The following DISC1 variants were observed in gnomAD, a reference collection of about 807,000 sequenced individuals.
DISC1 encodes the protein disrupted in schizophrenia 1 protein.
Under a neutral mutation model 84.5 loss-of-function variants are expected in DISC1, and 57 were observed. That is an observed-to-expected ratio of 0.67 (90% CI 0.55 to 0.84). The LOEUF (loss-of-function observed/expected upper bound fraction) is 0.84, where lower values mean the gene tolerates loss of function less well. Among genes scored for constraint, DISC1 ranks in the 40% least tolerant of loss-of-function variants. DISC1 has a pLI of 0.00. For missense variants in DISC1, 1,000 were observed against 1,057.8 expected (o/e 0.95, Z 0.76); for synonymous variants, 411 against 415.2 (o/e 0.99, Z 0.12).
At chr1:231,757,187 A>T (rs1198148695) in intron 4 of DISC1, among the ~76,000 whole-genome samples, 1 of 152,198 alleles carries the variant, frequency 6.6e-6, no homozygotes, top group Non-Finnish European at 1.5e-5. Flanking sequence ...TCAAGTATTT[A>T]TTTATTTTGA....
intron 1 of DISC1, among the ~76,000 whole-genome samples, chr1:231,640,732 C>T (rs1182876917): frequency 3.3e-5 from 5 of 151,930 alleles, no homozygotes; most frequent in Admixed American, 3.3e-4. Flanking sequence ...GACAGGATCT[C>T]CCTATGTTAC....
intron 4 of DISC1, chr1:231,750,322 G>A: frequency 7.6e-7 from 1 of 1,315,834 alleles, no homozygotes; most frequent in Non-Finnish European, 9.7e-7. Flanking sequence ...AAGTGCAGCT[G>A]CATCCCAGGT....
rs190336403 is a variant in DISC1 at position 231,845,088 on chromosome 1, A to C, written c.1981+26571A>C. The stretch of plus-strand genomic sequence containing the variant: ...GACTAGATTGTAAATATTTATTATC[A>C]GATGTAAGGTCTGTGTTGATGTTAA... On this transcript the variant is annotated intron_variant, in intron 9 of 12. Transcript: ENST00000439617. 1.7e-3 allele frequency among the ~76,000 whole-genome samples: 263 copies of C among 152,268 alleles called. 1 individual carries two copies. The highest frequency in any genetic ancestry group is 3.0e-3 in the Non-Finnish European group (206 of 68,020).
At chr1:231,727,063 A>G (rs2125145181) in intron 3 of DISC1, among the ~76,000 whole-genome samples, 1 of 152,182 alleles carries the variant, frequency 6.6e-6, no homozygotes, top group East Asian at 1.9e-4. Context: ...CTTTTCTTAA[A>G]ACACCAGCTC....
chr1:231,717,503 G>A (rs2068926449), intron 3 of DISC1, among the ~76,000 whole-genome samples: 1 of 152,186 alleles, frequency 6.6e-6, no homozygotes, highest in Admixed American at 6.5e-5. Flanking sequence ...GTCTCACTGA[G>A]CCATAGGCGT....
intron 9 of DISC1, among the ~76,000 whole-genome samples, chr1:231,867,625 G>A (rs961173738): frequency 6.6e-6 from 1 of 152,148 alleles, no homozygotes; most frequent in Non-Finnish European, 1.5e-5. Context: ...AAAAAAAGAT[G>A]AGTCTTGGGC....
At position 231,693,904 on chromosome 1, in the gene DISC1, C is replaced by G; in HGVS notation, c.146C>G (p.Ser49Trp). The change falls in exon 2 of 13, where the codon TCG (serine) becomes TGG (tryptophan). Residue 49 changes from serine to tryptophan, a missense_variant. Physicochemically the swap from Ser to Trp is radical, Grantham distance 177. This residue lies in a region of DISC1 where 292 missense variants were observed against 280.2 expected (regional missense o/e 1.04). Transcript: ENST00000439617. ...CGGAGGCCGGGCTACATGAGAAGCT[C>G]GACAGGGCCTGGGATCGGGTTCCTT... is the stretch of plus-strand genomic sequence containing the variant. ...LARRPGYMRS[S>W]TGPGIGFLSP... 3.1e-6 allele frequency: 5 copies of G among 1,614,154 alleles called. No individual in the cohort carries two copies. Among genetic ancestry groups the G allele is most frequent in the Non-Finnish European group, 3.4e-6 (4 of 1,180,018 alleles).
intron 10 of DISC1, among the ~76,000 whole-genome samples, chr1:231,966,594 G>A (rs1439924047): frequency 6.6e-6 from 1 of 152,354 alleles, no homozygotes; most frequent in Non-Finnish European, 1.5e-5. Flanking sequence ...GATGGGTGTA[G>A]TGGTTCCATT....
At chr1:231,631,410 C>G (rs1277168370) in intron 1 of DISC1, among the ~76,000 whole-genome samples, 3 of 152,068 alleles carry the variant, frequency 2.0e-5, no homozygotes, top group Non-Finnish European at 2.9e-5. Flanking sequence ...TAACTGTAAA[C>G]CCGCCTCAGG....
chr1:231,800,228 A>C lies in DISC1; in HGVS notation c.1792+18A>C. The C allele has an allele frequency of 6.3e-7, 1 of 1,587,490 alleles. No homozygotes were observed. The highest frequency in any genetic ancestry group is 8.6e-7 in the Non-Finnish European group (1 of 1,157,356). On this transcript the variant is annotated intron_variant, in intron 8 of 12. Coordinates refer to ENST00000439617, the MANE Select transcript of DISC1 (RefSeq NM_018662.3). ...CATATCAGGTAACTGGCAGTGTAGG[A>C]GACGTTGAAGCTATCCAACTAAAAT...
chr1:231,871,825 G>C (rs943844195), intron 9 of DISC1, among the ~76,000 whole-genome samples: 6 of 152,150 alleles, frequency 3.9e-5, no homozygotes, highest in African/African-American at 1.2e-4. Flanking sequence ...TGTTTCCAGG[G>C]CAGCTTGGTG....
chr1:231,884,770 A>G (rs2086564132), intron 9 of DISC1, among the ~76,000 whole-genome samples: 1 of 151,854 alleles, frequency 6.6e-6, no homozygotes, highest in Non-Finnish European at 1.5e-5. Flanking sequence ...CAAATCATAC[A>G]TGGACCTCCG....
chr1:231,933,172 G>A (rs1386545885), intron 9 of DISC1, among the ~76,000 whole-genome samples: 1 of 152,152 alleles, frequency 6.6e-6, no homozygotes, highest in Non-Finnish European at 1.5e-5. Flanking sequence ...AATTTTCAGA[G>A]GAGGAAATGA....
intron 11 of DISC1, 41 bp from the exon 12 acceptor site, chr1:232,026,394 C>T (rs376693755): frequency 1.6e-5 from 22 of 1,376,212 alleles, no homozygotes; most frequent in Non-Finnish European, 1.9e-5. Flanking sequence ...TGTCTGTGTC[C>T]ACGGCACTAA....
chr1:231,706,816 C>T (rs2067148092), intron 3 of DISC1, among the ~76,000 whole-genome samples: 1 of 152,108 alleles, frequency 6.6e-6, no homozygotes, highest in South Asian at 2.1e-4. Flanking sequence ...CCATAATGTC[C>T]CTTTGTCTGA....
rs116909249 is a variant in DISC1, at chr1:232,004,506, G to A, written c.2043-4279G>A. Among the ~76,000 whole-genome samples the A allele has an allele frequency of 4.1e-3, 622 of 152,106 alleles. 22 individuals carry two copies. The South Asian group carries it at 0.088, about 21-fold the overall frequency. ...AAGGATATAAAATATTAAAATGGCAGAAGAATAAATGGAAAACTTGAATAG... is the reference window on the plus strand; with the variant it reads ...AAGGATATAAAATATTAAAATGGCAAAAGAATAAATGGAAAACTTGAATAG... On this transcript the variant is annotated intron_variant, in intron 10 of 12. Coordinates refer to ENST00000439617, the MANE Select transcript of DISC1 (RefSeq NM_018662.3).
In DISC1 at chr1:232,014,620, A is replaced by G. The variant is rs1668316420; in HGVS notation, c.2307+5571A>G. ...TTTTAAACCTTTTTGTTTCTAGCTG[A>G]AAACATGCCCTCTCATTTGCTATTC... On this transcript the variant is annotated intron_variant, in intron 11 of 12. Coordinates refer to ENST00000439617, the MANE Select transcript of DISC1 (RefSeq NM_018662.3). Among the ~76,000 whole-genome samples, 3 of 152,252 alleles carry G rather than the reference A, an allele frequency of 2.0e-5. No homozygotes were observed. The South Asian group carries it at 6.2e-4, about 31-fold the overall frequency.
intron 4 of DISC1, among the ~76,000 whole-genome samples, chr1:231,759,806 G>T (rs2075495833): frequency 1.3e-5 from 2 of 152,170 alleles, no homozygotes. Flanking sequence ...GGCATGCCCT[G>T]TGTCCCACTC....
rs1052416742 is a variant in DISC1 at position 232,031,239 on chromosome 1, GAGGA to G, written c.2425+4700_2425+4703del. Among the ~76,000 whole-genome samples the G allele has an allele frequency of 1.5e-4, 22 of 147,158 alleles. No homozygotes were observed. The highest frequency in any genetic ancestry group is 4.1e-4 in the Admixed American group (6 of 14,608). ...GAAGGGAGAAAGAGAGAGAGAAAGA[GAGGA>G]AGGAAGGAAGGAGAAAGAAAGATAA... On this transcript the variant is annotated intron_variant, in intron 12 of 12. Coordinates refer to ENST00000439617, the MANE Select transcript of DISC1 (RefSeq NM_018662.3). This position sits in a 1 kb window ranked among gnomAD's most constrained non-coding sequence, Gnocchi z 4.6.
Sources: gnomAD v4.1 joint callset for allele counts (sites outside exome capture counted in the v4.1 genomes callset) on GRCh38, gnomAD v4.1.1 for gene constraint, gnomAD v4.1.1 regional missense constraint, Gnocchi (gnomAD v3.1) non-coding constraint, MANE v1.5 for transcripts, NCBI Gene and HGNC (gene_info 2026-07-23, HGNC 2026-07-21) for gene names.